MYZAP: variants seen among roughly 807,000 people sequenced by gnomAD.
MYZAP encodes the protein GRINL1A complex locus upstream.
In MYZAP, 66 loss-of-function variants were observed where a neutral mutation model predicts 69.4. The observed-to-expected ratio is 0.95, with a 90% CI of 0.78 to 1.17. The LOEUF is 1.17. Ranked by LOEUF, MYZAP falls within the 50% of genes most tolerant of loss-of-function variation. The pLI is 0.00. For synonymous variants in MYZAP, 256 were observed against 205.9 expected, an observed-to-expected ratio of 1.24 and a Z score of -2.09; for missense variants, 611 against 556.2, an observed-to-expected ratio of 1.10 and a Z score of -0.99.
At position 57,685,197 on chromosome 15, in the gene MYZAP, TA is replaced by T. The variant is rs1253326516; in HGVS notation, c.*701del. The T allele has an allele frequency of 6.8e-6, 1 of 146,246 alleles. No individual in the cohort carries two copies. Among genetic ancestry groups the T allele is most frequent in the Non-Finnish European group, 1.5e-5 (1 of 67,994 alleles). The allele number at this position is 146,246 out of a possible 1,614,324, so 9.1% of individuals were successfully genotyped here. A position where few individuals can be genotyped will look rare whatever the true frequency, so the allele number is the denominator to read the frequency against. On this transcript the variant is annotated 3_prime_UTR_variant, in exon 13 of 13. Transcript: ENST00000267853. ...AGTGATTTTTTTTTCTTTCTCACTT[TA>T]ACTTAAAGAGAATTTTATATGTCTT... is the stretch of plus-strand genomic sequence containing the variant.
intron 10 of MYZAP, chr15:57,646,044 T>C (rs1567225712): frequency 1.5e-6 from 1 of 687,892 alleles, no homozygotes; most frequent in Admixed American, 2.5e-5. Flanking sequence ...TTCAAGTACT[T>C]CTCATAATTG....
chr15:57,622,198 T>C (rs2035860536), intron 4 of MYZAP, among the ~76,000 whole-genome samples: 1 of 152,088 alleles, frequency 6.6e-6, no homozygotes, highest in South Asian at 2.1e-4. Flanking sequence ...ATAAAATTAA[T>C]ATATAATATA....
At chr15:57,617,040 C>G (rs927341203) in intron 2 of MYZAP, among the ~76,000 whole-genome samples, 1 of 151,714 alleles carries the variant, frequency 6.6e-6, no homozygotes, top group Non-Finnish European at 1.5e-5. Flanking sequence ...TTACTTCTGT[C>G]CCTTCCATGT....
Position 57,633,733 on chromosome 15 carries a change from A to AT in MYZAP, c.926dup (p.Met309IlefsTer16), listed in dbSNP as rs2036647514. ...GGAGCTGGACAGGCTGATTGAGCGC[A>AT]TGGAAAAGGTAGGACACAGCGTTGG... On this transcript the variant is annotated frameshift_variant, in exon 8 of 13. Coordinates refer to ENST00000267853, the MANE Select transcript of MYZAP (RefSeq NM_001018100.5). LOFTEE classifies it high-confidence loss of function. 1 of 1,607,366 alleles carries AT rather than the reference A, an allele frequency of 6.2e-7. No homozygotes were observed. Among genetic ancestry groups the AT allele is most frequent in the African/African-American group, 1.3e-5 (1 of 74,724 alleles).
intron 1 of MYZAP, among the ~76,000 whole-genome samples, chr15:57,596,715 G>A (rs1217230645): frequency 6.6e-6 from 1 of 152,176 alleles, no homozygotes; most frequent in Non-Finnish European, 1.5e-5. Context: ...CCGTGCCTGT[G>A]CTGTTTCCCC....
rs979795864 is a variant in MYZAP, at chr15:57,646,050, A to T, written c.1119+6505A>T. The T allele has an allele frequency of 8.0e-5, 60 of 750,028 alleles. No homozygotes were observed. The Middle Eastern group carries it at 1.1e-3, about 14-fold the overall frequency. 46.5% of individuals were successfully genotyped at this position (750,028 alleles called of 1,614,324 possible). A position where few individuals can be genotyped will look rare whatever the true frequency, so the allele number is the denominator to read the frequency against. On this transcript the variant is annotated intron_variant, in intron 10 of 12. Transcript: ENST00000267853. ...TTAGAGGATTTCAAGTACTTCTCAT[A>T]ATTGGTAATTAGCCAAATGGGGGTA...
intron 11 of MYZAP, among the ~76,000 whole-genome samples, chr15:57,673,322 G>A (rs995060556): frequency 1.4e-4 from 21 of 152,120 alleles, no homozygotes; most frequent in South Asian, 4.1e-4. Flanking sequence ...TAAGGCGATG[G>A]TATTACTGGA....
intron 2 of MYZAP, among the ~76,000 whole-genome samples, chr15:57,615,282 AACAC>A (rs1370461397): frequency 6.6e-6 from 1 of 152,188 alleles, no homozygotes; most frequent in Non-Finnish European, 1.5e-5. Context: ...TACATACACA[AACAC>A]ACAGTCTTCA....
rs534206593 is a variant in MYZAP, at chr15:57,611,490, A to G, written c.163-6543A>G. 3.6e-4 allele frequency among the ~76,000 whole-genome samples: 54 copies of G among 151,974 alleles called. 1 individual carries two copies. In the South Asian group the frequency reaches 0.011, roughly 30 times the overall value. On this transcript the variant is annotated intron_variant, in intron 2 of 12. Transcript: ENST00000267853. ...CGGGGGTTATTAGGCCTAAGCAACT[A>G]TTGTCTGCGTTGAAGCTGTGTACTA...
chr15:57,640,551 ACTT>A (rs553402798), intron 10 of MYZAP, among the ~76,000 whole-genome samples: 19 of 152,342 alleles, frequency 1.2e-4, no homozygotes, highest in Admixed American at 5.2e-4. Flanking sequence ...AAGCATATCT[ACTT>A]CTAAGAAATA....
At chr15:57,619,281 C>T (rs1408673156) in intron 3 of MYZAP, among the ~76,000 whole-genome samples, 1 of 152,216 alleles carries the variant, frequency 6.6e-6, no homozygotes, top group Non-Finnish European at 1.5e-5. Flanking sequence ...CACGCATATA[C>T]ATAATGTATA....
chr15:57,593,513 G>A (rs1456565263), intron 1 of MYZAP, among the ~76,000 whole-genome samples: 10 of 152,180 alleles, frequency 6.6e-5, no homozygotes, highest in Non-Finnish European at 1.5e-5. Flanking sequence ...CAGAGGTGGG[G>A]ATTAGTTGGG....
At chr15:57,653,620 A>G (rs1241411526) in intron 10 of MYZAP, among the ~76,000 whole-genome samples, 1 of 152,154 alleles carries the variant, frequency 6.6e-6, no homozygotes, top group African/African-American at 2.4e-5. Flanking sequence ...AGGCAGCACC[A>G]GGCCACATGC....
rs115317442 is a variant in MYZAP at position 57,646,151 on chromosome 15, G to T, written c.1119+6606G>T. The T allele has an allele frequency of 2.4e-4, 309 of 1,289,364 alleles. 2 individuals carry two copies. The African/African-American group carries it at 4.2e-3, about 18-fold the overall frequency. 79.9% of individuals were successfully genotyped at this position (1,289,364 alleles called of 1,614,324 possible). A position where few individuals can be genotyped will look rare whatever the true frequency, so the allele number is the denominator to read the frequency against. ...ACTGTCTCCAGATCATGTCGCACGA[G>T]CTCTTCTCCAGATTTAGTCTCCGGC... is the stretch of plus-strand genomic sequence containing the variant. On this transcript the variant is annotated intron_variant, in intron 10 of 12. Transcript: ENST00000267853.
intron 11 of MYZAP, among the ~76,000 whole-genome samples, chr15:57,674,229 C>T (rs531831171): frequency 8.0e-4 from 122 of 152,152 alleles, no homozygotes; most frequent in Non-Finnish European, 1.5e-3. Flanking sequence ...TGTCTATTTT[C>T]ATTTTGGTAT....
intron 1 of MYZAP, among the ~76,000 whole-genome samples, chr15:57,592,396 TA>T (rs2033733547): frequency 6.6e-6 from 1 of 152,212 alleles, no homozygotes; most frequent in African/African-American, 2.4e-5. Flanking sequence ...GGCACCAGTT[TA>T]AAAATGAAGG....
chr15:57,680,264 T>C (rs2039363401), intron 12 of MYZAP, among the ~76,000 whole-genome samples: 1 of 152,154 alleles, frequency 6.6e-6, no homozygotes. Context: ...TTCTTTTCCT[T>C]CATGACTTGA....
intron 6 of MYZAP, among the ~76,000 whole-genome samples, chr15:57,631,976 C>G (rs1157589604): frequency 6.6e-6 from 1 of 152,164 alleles, no homozygotes; most frequent in Non-Finnish European, 1.5e-5. Flanking sequence ...CTAAGCCAGG[C>G]CTGCTTCAGT....
At position 57,675,086 on chromosome 15, in the gene MYZAP, G is replaced by A. The variant is rs776516935; in HGVS notation, c.1304+18G>A. On this transcript the variant is annotated intron_variant, in intron 12 of 12. Coordinates refer to ENST00000267853, the MANE Select transcript of MYZAP (RefSeq NM_001018100.5). ...CTACCCAGGTATTTAGGAATTTCCT[G>A]ATTTTTTTTTTTATTCAAATTCCTC... 1 of 1,506,292 alleles carries A rather than the reference G, an allele frequency of 6.6e-7. No homozygotes were observed. The highest frequency in any genetic ancestry group is 1.6e-5 in the African/African-American group (1 of 64,152). The allele number at this position is 1,506,292 out of a possible 1,614,324, so 93.3% of individuals were successfully genotyped here.
Sources: allele counts gnomAD v4.1 joint callset (sites outside exome capture counted in the v4.1 genomes callset), GRCh38; gene constraint gnomAD v4.1.1; transcripts MANE v1.5; gene names NCBI Gene and HGNC (gene_info 2026-07-23, HGNC 2026-07-21).